FARS2: variants seen among roughly 807,000 people sequenced by gnomAD.
The protein encoded by FARS2 is phenylalanyl-tRNA synthetase 2, mitochondrial.
FARS2 carries 40 observed loss-of-function variants against 46.4 expected under a neutral mutation model. That is an observed-to-expected ratio of 0.86 (90% CI 0.67 to 1.12). The LOEUF is 1.12. Ranked by LOEUF, FARS2 falls within the 50% of genes most tolerant of loss-of-function variation. The probability of loss-of-function intolerance (pLI) is 0.00; values close to 1 mark genes in which losing one functional copy is unlikely to be tolerated. For synonymous variants in FARS2, 234 were observed against 214.9 expected (o/e 1.09, Z -0.78); for missense variants, 513 against 567.9 (o/e 0.90, Z 0.98).
At chr6:5,480,793 C>A (rs1490377758) in intron 4 of FARS2, among the ~76,000 whole-genome samples, 1 of 152,200 alleles carries the variant, frequency 6.6e-6, no homozygotes, top group Non-Finnish European at 1.5e-5. Flanking sequence ...TGCCTGCAAT[C>A]TTTTATCCTT....
At chr6:5,419,282 T>G (rs937269319) in intron 3 of FARS2, among the ~76,000 whole-genome samples, 1 of 152,222 alleles carries the variant, frequency 6.6e-6, no homozygotes, top group African/African-American at 2.4e-5. Context: ...TGAATTGTGC[T>G]TTCATGTATC....
At chr6:5,731,601 CCTCT>C (rs1760629522) in intron 6 of FARS2, among the ~76,000 whole-genome samples, 1 of 152,202 alleles carries the variant, frequency 6.6e-6, no homozygotes. Context: ...CCTGTGTACT[CCTCT>C]ATGAGTAGCA....
At chr6:5,474,579 C>T (rs898696508) in intron 4 of FARS2, among the ~76,000 whole-genome samples, 2 of 151,688 alleles carry the variant, frequency 1.3e-5, no homozygotes, top group African/African-American at 4.8e-5. Flanking sequence ...TACTGAATAC[C>T]GTAGGCAATT....
chr6:5,479,722 C>T (rs1766334001), intron 4 of FARS2, among the ~76,000 whole-genome samples: 1 of 152,188 alleles, frequency 6.6e-6, no homozygotes, highest in South Asian at 2.1e-4. Context: ...TAAAATTCCA[C>T]AGCGATTTAA....
chr6:5,451,815 G>A (rs1764508413), intron 4 of FARS2: 1 of 152,176 alleles, frequency 6.6e-6, no homozygotes, highest in Admixed American at 6.5e-5. Flanking sequence ...GTTGTGATTG[G>A]TTGGACCCTA....
At chr6:5,597,698 G>A (rs1478866980) in intron 5 of FARS2, among the ~76,000 whole-genome samples, 4 of 152,116 alleles carry the variant, frequency 2.6e-5, no homozygotes, top group Non-Finnish European at 4.4e-5. Flanking sequence ...TCTCCCTAAC[G>A]TGGAGAAATT....
intron 4 of FARS2, among the ~76,000 whole-genome samples, chr6:5,503,203 T>G (rs1368570699): frequency 2.6e-5 from 4 of 151,048 alleles, no homozygotes; most frequent in Non-Finnish European, 4.4e-5. Flanking sequence ...TATAAAAATA[T>G]TTTAAGAAAA....
intron 5 of FARS2, among the ~76,000 whole-genome samples, chr6:5,546,536 C>T (rs918875696): frequency 6.6e-6 from 1 of 151,804 alleles, no homozygotes; most frequent in African/African-American, 2.4e-5. Context: ...AGGAGTGAGC[C>T]ACTGCGCCCA....
At chr6:5,718,808 CT>C (rs1290996916) in intron 6 of FARS2, among the ~76,000 whole-genome samples, 2 of 152,116 alleles carry the variant, frequency 1.3e-5, no homozygotes, top group East Asian at 3.9e-4. Flanking sequence ...AAATAAAATG[CT>C]TTTATTTGAT....
rs2773325 is a variant in FARS2, at chr6:5,270,770, A to T, written c.-22+9110A>T. Among the ~76,000 whole-genome samples the T allele has an allele frequency of 3.3e-5, 5 of 152,130 alleles. No homozygotes were observed. The East Asian group carries it at 9.6e-4, about 29-fold the overall frequency. On this transcript the variant is annotated intron_variant, in intron 1 of 6. Coordinates refer to ENST00000274680, the MANE Select transcript of FARS2 (RefSeq NM_006567.5). ...GACTATGGCGCTTACCCACTTCTCC[A>T]GTCCCATGTCATACCTTTTTATTTT...
intron 4 of FARS2, among the ~76,000 whole-genome samples, chr6:5,485,080 G>T (rs995912309): frequency 6.6e-6 from 1 of 152,096 alleles, no homozygotes; most frequent in African/African-American, 2.4e-5. Context: ...TAGCTATTCT[G>T]CTTGAATTAG....
chr6:5,604,152 C>T (rs1384064464), intron 5 of FARS2, among the ~76,000 whole-genome samples: 1 of 152,098 alleles, frequency 6.6e-6, no homozygotes, highest in African/African-American at 2.4e-5. Flanking sequence ...AGATGAGCTG[C>T]GGTTCAAGTC....
intron 3 of FARS2, among the ~76,000 whole-genome samples, chr6:5,420,747 G>A (rs777803583): frequency 2.6e-5 from 4 of 152,120 alleles, no homozygotes; most frequent in Admixed American, 6.5e-5. Context: ...GAGTGTCTGC[G>A]GCTTTTCTAG....
intron 2 of FARS2, among the ~76,000 whole-genome samples, chr6:5,380,680 C>G (rs1300160819): frequency 2.0e-5 from 3 of 152,176 alleles, no homozygotes; most frequent in Middle Eastern, 3.2e-3. Flanking sequence ...ATGTAAAAGA[C>G]TACACTCTTG....
At chr6:5,539,406 A>ATATATTTTT (rs1226634056) in intron 4 of FARS2, among the ~76,000 whole-genome samples, 5 of 144,848 alleles carry the variant, frequency 3.5e-5, no homozygotes, top group African/African-American at 1.3e-4. Context: ...ATATGTATAT[A>ATATATTTTT]TTTTTTTAGT....
intron 6 of FARS2, among the ~76,000 whole-genome samples, chr6:5,663,692 C>A (rs1431241261): frequency 6.6e-6 from 1 of 152,182 alleles, no homozygotes; most frequent in Non-Finnish European, 1.5e-5. Flanking sequence ...GCAGATTTGT[C>A]ATTCGTCCCA....
chr6:5,358,895 G>C (rs1353170067), intron 1 of FARS2, among the ~76,000 whole-genome samples: 1 of 151,972 alleles, frequency 6.6e-6, no homozygotes, highest in Non-Finnish European at 1.5e-5. Context: ...CACAAGATAT[G>C]TTTCTCATGG....
At chr6:5,427,171 C>T (rs1331448007) in intron 3 of FARS2, among the ~76,000 whole-genome samples, 3 of 152,138 alleles carry the variant, frequency 2.0e-5, no homozygotes, top group Non-Finnish European at 4.4e-5. Context: ...ATGATCGAAT[C>T]AGGGAAATTA....
At chr6:5,556,886 A>T (rs1167535965) in intron 5 of FARS2, among the ~76,000 whole-genome samples, 1 of 152,098 alleles carries the variant, frequency 6.6e-6, no homozygotes, top group Non-Finnish European at 1.5e-5. Context: ...CCAACAGTCT[A>T]TAAAATTTGA....
Sources: allele counts gnomAD v4.1 joint callset (sites outside exome capture counted in the v4.1 genomes callset), GRCh38; gene constraint gnomAD v4.1.1; transcripts MANE v1.5; gene names NCBI Gene and HGNC (gene_info 2026-07-23, HGNC 2026-07-21).